TPD52L1: variants seen among roughly 807,000 people sequenced by gnomAD.
The protein encoded by TPD52L1 is tumor protein D53.
Under a neutral mutation model 28.7 loss-of-function variants are expected in TPD52L1, and 18 were observed. The observed-to-expected ratio is 0.63, with a 90% CI of 0.43 to 0.93. TPD52L1 has a LOEUF of 0.93. Among genes scored for constraint, TPD52L1 ranks in the 40% least tolerant of loss-of-function variants. TPD52L1 has a pLI of 0.00. For synonymous variants in TPD52L1, 75 were observed against 88.8 expected, an observed-to-expected ratio of 0.84 and a Z score of 0.88; for missense variants, 203 against 254.8, an observed-to-expected ratio of 0.80 and a Z score of 1.39.
At chr6:125,239,137 ATTTTTTTTAAT>A (rs1796465927) in intron 3 of TPD52L1, among the ~76,000 whole-genome samples, 1 of 151,788 alleles carries the variant, frequency 6.6e-6, no homozygotes, top group African/African-American at 2.4e-5. Flanking sequence ...GCCAATGTCT[ATTTTTTTTAAT>A]TTTTAAATTA....
At chr6:125,199,105 G>T (rs1451865835) in intron 1 of TPD52L1, among the ~76,000 whole-genome samples, 3 of 152,188 alleles carry the variant, frequency 2.0e-5, no homozygotes, top group Non-Finnish European at 2.9e-5. Flanking sequence ...AACAAAATCT[G>T]ATTCTTGTGA....
chr6:125,155,338 G>A (rs779514230), intron 1 of TPD52L1, among the ~76,000 whole-genome samples: 23 of 152,218 alleles, frequency 1.5e-4, no homozygotes, highest in Non-Finnish European at 3.1e-4. Flanking sequence ...CCCCATCCCA[G>A]TCAAACTGGA....
intron 2 of TPD52L1, among the ~76,000 whole-genome samples, chr6:125,223,079 T>C (rs1172918250): frequency 1.3e-5 from 2 of 152,214 alleles, no homozygotes; most frequent in Non-Finnish European, 1.5e-5. Flanking sequence ...TATCCTTAGC[T>C]TTTCACTTGA....
At chr6:125,230,225 T>C (rs1795868907) in intron 3 of TPD52L1, among the ~76,000 whole-genome samples, 1 of 152,204 alleles carries the variant, frequency 6.6e-6, no homozygotes, top group African/African-American at 2.4e-5. Flanking sequence ...AAATATTTAA[T>C]GATGATGGTA....
At chr6:125,213,360 G>A (rs1346734060) in intron 1 of TPD52L1, among the ~76,000 whole-genome samples, 1 of 152,068 alleles carries the variant, frequency 6.6e-6, no homozygotes, top group Non-Finnish European at 1.5e-5. Context: ...GGACTATGCA[G>A]TGCCTTGTGT....
At chr6:125,240,301 A>G (rs1233718501) in intron 3 of TPD52L1, among the ~76,000 whole-genome samples, 3 of 152,076 alleles carry the variant, frequency 2.0e-5, no homozygotes, top group African/African-American at 7.2e-5. Flanking sequence ...TGTTTTGGCT[A>G]TGTGGGCTTT....
chr6:125,198,830 C>T lies in TPD52L1; in HGVS notation c.20-21248C>T, dbSNP rs528549905. On this transcript the variant is annotated intron_variant, in intron 1 of 6. Coordinates refer to ENST00000534000, the MANE Select transcript of TPD52L1 (RefSeq NM_003287.4). ...CACAACTTACGGGATGAGTACTACT[C>T]GTATCTAGTTGGCAGAGGCCAGATA... is the stretch of plus-strand genomic sequence containing the variant. Among the ~76,000 whole-genome samples the T allele has an allele frequency of 3.3e-5, 5 of 152,236 alleles. No individual in the cohort carries two copies. In the South Asian group the frequency reaches 8.3e-4, roughly 25 times the overall value.
chr6:125,157,569 C>T (rs1277270403), intron 1 of TPD52L1, among the ~76,000 whole-genome samples: 1 of 152,116 alleles, frequency 6.6e-6, no homozygotes, highest in African/African-American at 2.4e-5. Context: ...TGCTTTAAGA[C>T]AACTGATATG....
intron 1 of TPD52L1, among the ~76,000 whole-genome samples, chr6:125,167,156 C>T (rs75552677): frequency 0.017 from 2,560 of 152,014 alleles, 77 homozygotes; most frequent in African/African-American, 0.059. Context: ...TCCCACTACT[C>T]AAGAGGCTGA....
chr6:125,201,029 G>A (rs1793770528), intron 1 of TPD52L1, among the ~76,000 whole-genome samples: 1 of 152,162 alleles, frequency 6.6e-6, no homozygotes, highest in Non-Finnish European at 1.5e-5. Context: ...TGGTTTATAG[G>A]CAGCGTTTCT....
At chr6:125,212,832 A>G (rs1163194268) in intron 1 of TPD52L1, among the ~76,000 whole-genome samples, 1 of 152,210 alleles carries the variant, frequency 6.6e-6, no homozygotes, top group African/African-American at 2.4e-5. Context: ...GGAGACTTAA[A>G]TGGAGTCATC....
intron 1 of TPD52L1, among the ~76,000 whole-genome samples, chr6:125,189,355 G>C (rs1225050878): frequency 6.6e-6 from 1 of 152,154 alleles, no homozygotes; most frequent in Non-Finnish European, 1.5e-5. Flanking sequence ...CTTATGTACA[G>C]GCATTTAAAG....
chr6:125,223,653 G>A (rs1196023441), intron 2 of TPD52L1, among the ~76,000 whole-genome samples: 1 of 135,574 alleles, frequency 7.4e-6, no homozygotes, highest in Non-Finnish European at 1.5e-5. Context: ...AGGTTGCAGT[G>A]AGCCAAGATC....
intron 1 of TPD52L1, 167 bp downstream of exon 1, chr6:125,154,137 C>G: frequency 7.1e-7 from 1 of 1,402,214 alleles, no homozygotes; most frequent in Non-Finnish European, 9.3e-7. Context: ...TGCCCAAACT[C>G]AGGATTTGCT....
intron 1 of TPD52L1, among the ~76,000 whole-genome samples, chr6:125,200,854 T>A (rs146116418): frequency 1.4e-4 from 21 of 152,226 alleles, no homozygotes; most frequent in African/African-American, 5.1e-4. Context: ...GTTATTTAAG[T>A]GCATATTGTG....
chr6:125,249,320 A>T (rs970654036), intron 4 of TPD52L1, among the ~76,000 whole-genome samples: 4 of 141,302 alleles, frequency 2.8e-5, no homozygotes, highest in Admixed American at 1.4e-4. Flanking sequence ...TTTCTTCTTT[A>T]AAAAAAAAAA....
chr6:125,217,664 A>C (rs567537291), intron 1 of TPD52L1, among the ~76,000 whole-genome samples: 31 of 152,272 alleles, frequency 2.0e-4, no homozygotes, highest in African/African-American at 7.5e-4. Context: ...GTACTGGTCC[A>C]TGGCGCGGGA....
rs538179451 is a variant in TPD52L1, at chr6:125,186,408, A to G, written c.19+32438A>G. Among the ~76,000 whole-genome samples the G allele has an allele frequency of 2.6e-5, 4 of 152,320 alleles. No homozygotes were observed. The South Asian group carries it at 8.3e-4, about 32-fold the overall frequency. ...TAGGCCATGGGTGGATTTGGCCTGC[A>G]GGTCATAGTTTGTCAAACCCTGGAC... On this transcript the variant is annotated intron_variant, in intron 1 of 6. Coordinates refer to ENST00000534000, the MANE Select transcript of TPD52L1 (RefSeq NM_003287.4).
chr6:125,217,523 C>T (rs476357), intron 1 of TPD52L1, among the ~76,000 whole-genome samples: 90,572 of 151,966 alleles, frequency 0.6, 29,240 homozygotes, highest in African/African-American at 0.85. Flanking sequence ...TTGCTACTGA[C>T]CTGATGGGAG....
Sources: allele counts gnomAD v4.1 joint callset (sites outside exome capture counted in the v4.1 genomes callset), GRCh38; gene constraint gnomAD v4.1.1; transcripts MANE v1.5; gene names NCBI Gene and HGNC (gene_info 2026-07-23, HGNC 2026-07-21).